Variants in SDC3 observed in about 807,000 individuals in gnomAD.
SDC3 encodes the protein syndecan-3.
Under a neutral mutation model 24.4 loss-of-function variants are expected in SDC3, and 13 were observed. That is an observed-to-expected ratio of 0.53 (90% CI 0.35 to 0.85). SDC3 has a LOEUF of 0.85. Among genes scored for constraint, SDC3 ranks in the 40% least tolerant of loss-of-function variants. SDC3 has a pLI of 0.01. For missense variants in SDC3, 571 were observed against 584.5 expected (o/e 0.98, Z 0.24); for synonymous variants, 295 against 260.9 (o/e 1.13, Z -1.26).
intron 1 of SDC3, among the ~76,000 whole-genome samples, chr1:30,894,698 GTGTGTGGGT>G (rs1639975722): frequency 7.1e-6 from 1 of 139,990 alleles, no homozygotes; most frequent in Non-Finnish European, 1.6e-5. Context: ...GTGGGTGAGA[GTGTGTGGGT>G]GTGTGTGGGG....
chr1:30,893,463 C>A (rs1360232056), intron 1 of SDC3, among the ~76,000 whole-genome samples: 1 of 152,108 alleles, frequency 6.6e-6, no homozygotes, highest in Non-Finnish European at 1.5e-5. Flanking sequence ...ACTTCCACTA[C>A]TATGACAACC....
intron 1 of SDC3, among the ~76,000 whole-genome samples, chr1:30,894,718 AGTGT>A (rs777036847): frequency 4.7e-4 from 69 of 145,454 alleles, no homozygotes; most frequent in African/African-American, 1.5e-3. Context: ...GTGTGTGGGG[AGTGT>A]GTGTGTGTAT....
At chr1:30,891,709 T>C (rs907376023) in intron 1 of SDC3, among the ~76,000 whole-genome samples, 1 of 151,680 alleles carries the variant, frequency 6.6e-6, no homozygotes, top group Non-Finnish European at 1.5e-5. Flanking sequence ...AAAAATTAGC[T>C]GGGCATGGTG....
At chr1:30,908,161 G>A (rs954469220) in intron 1 of SDC3, among the ~76,000 whole-genome samples, 1 of 151,992 alleles carries the variant, frequency 6.6e-6, no homozygotes, top group Non-Finnish European at 1.5e-5. Flanking sequence ...TCCCTCTGGG[G>A]AGGGGTCCCA....
intron 2 of SDC3, 124 bp downstream of exon 2, chr1:30,878,499 G>T: frequency 1.4e-6 from 1 of 720,054 alleles, no homozygotes; most frequent in Non-Finnish European, 2.4e-6. Flanking sequence ...AGAAGAACTT[G>T]CCTGACCCAG....
In SDC3 at chr1:30,908,622, GGGCGCCTTTGTTCCCGAGGC is replaced by G; in HGVS notation, c.-56_-37del. 13 of 877,812 alleles carry G rather than the reference GGGCGCCTTTGTTCCCGAGGC, an allele frequency of 1.5e-5. No homozygotes were observed. Among genetic ancestry groups the G allele is most frequent in the Non-Finnish European group, 1.8e-5 (13 of 735,508 alleles). The allele number at this position is 877,812 out of a possible 1,614,324, so 54.4% of individuals were successfully genotyped here. A position where few individuals can be genotyped will look rare whatever the true frequency, so the allele number is the denominator to read the frequency against. On this transcript the variant is annotated 5_prime_UTR_variant, in exon 1 of 5. Coordinates refer to ENST00000339394, the MANE Select transcript of SDC3 (RefSeq NM_014654.4). The stretch of plus-strand genomic sequence containing the variant: ...CGGGCGCGGGCGGCGGGCGGCGGGC[GGGCGCCTTTGTTCCCGAGGC>G]GCGGCGCGCGGGGCGGCTGCTTGGC...
At chr1:30,891,241 G>A (rs902164008) in intron 1 of SDC3, among the ~76,000 whole-genome samples, 2 of 152,178 alleles carry the variant, frequency 1.3e-5, no homozygotes, top group African/African-American at 4.8e-5. Context: ...TCTGCCCTCT[G>A]TCCCCATGGC....
At chr1:30,889,438 CG>C (rs1272077245) in intron 1 of SDC3, among the ~76,000 whole-genome samples, 1 of 152,152 alleles carries the variant, frequency 6.6e-6, no homozygotes, top group Non-Finnish European at 1.5e-5. Flanking sequence ...CCTCCATTCC[CG>C]GGGGCCCCAT....
Position 30,877,062 on chromosome 1 carries a change from C to T in SDC3, c.360G>A (p.Gln120=), listed in dbSNP as rs770448216. The change falls in exon 3 of 5, where the codon CAG becomes CAA. Residue 120 remains glutamine, a synonymous_variant. Transcript: ENST00000339394. ...GCTCTTCAAATGGTGTGCCCACAGG[C>T]TGGATGTTCGTGGTGGGCAGCACCG... ...TPAVLPTTNI[Q]PVGTPFEELP... is the part of the protein sequence containing the mutation. The T allele has an allele frequency of 2.4e-5, 38 of 1,613,802 alleles. No homozygotes were observed. The highest frequency in any genetic ancestry group is 1.7e-6 in the Non-Finnish European group (2 of 1,179,978).
intron 1 of SDC3, among the ~76,000 whole-genome samples, chr1:30,891,205 C>T (rs1261924043): frequency 6.6e-6 from 1 of 152,228 alleles, no homozygotes; most frequent in African/African-American, 2.4e-5. Flanking sequence ...AGTGGTAAAA[C>T]ACGCCTGAAT....
intron 1 of SDC3, among the ~76,000 whole-genome samples, chr1:30,888,160 G>A (rs1348495714): frequency 6.6e-6 from 1 of 152,206 alleles, no homozygotes; most frequent in Non-Finnish European, 1.5e-5. Context: ...CCAGTGAAAT[G>A]GGCCTCCTTA....
In SDC3 at chr1:30,872,488, T is replaced by C. The variant is rs1482197477; in HGVS notation, c.*723A>G. On this transcript the variant is annotated 3_prime_UTR_variant, in exon 5 of 5. Transcript: ENST00000339394. Reference sequence around the variant, plus strand: ...TGACTGAGTGAAAATATGGTGATAGTGTGGGCAATGGTGTCTGTGCAGAGT... The same window carrying C: ...TGACTGAGTGAAAATATGGTGATAGCGTGGGCAATGGTGTCTGTGCAGAGT... 2 of 152,296 alleles carry C rather than the reference T, an allele frequency of 1.3e-5. No homozygotes were observed. Among genetic ancestry groups the C allele is most frequent in the African/African-American group, 4.8e-5 (2 of 41,416 alleles). 9.4% of individuals were successfully genotyped at this position (152,296 alleles called of 1,614,324 possible). A position where few individuals can be genotyped will look rare whatever the true frequency, so the allele number is the denominator to read the frequency against.
At chr1:30,884,519 G>A (rs1639800253) in intron 1 of SDC3, among the ~76,000 whole-genome samples, 1 of 152,000 alleles carries the variant, frequency 6.6e-6, no homozygotes, top group East Asian at 1.9e-4. Flanking sequence ...CCTCCAGTCT[G>A]CCCTCTACCC....
At chr1:30,894,300 T>TG (rs1023599118) in intron 1 of SDC3, among the ~76,000 whole-genome samples, 18 of 120,244 alleles carry the variant, frequency 1.5e-4, no homozygotes, top group African/African-American at 2.0e-4. Flanking sequence ...AGAGAGTGTG[T>TG]GGGGGTGTGT....
intron 1 of SDC3, among the ~76,000 whole-genome samples, chr1:30,883,298 A>G (rs1189521524): frequency 6.6e-6 from 1 of 152,234 alleles, no homozygotes; most frequent in Non-Finnish European, 1.5e-5. Context: ...ACCCCTGTGC[A>G]GCGCTAATCA....
intron 1 of SDC3, among the ~76,000 whole-genome samples, chr1:30,896,598 A>T (rs1381465230): frequency 6.6e-6 from 1 of 152,226 alleles, no homozygotes; most frequent in African/African-American, 2.4e-5. Flanking sequence ...AAGAGGGAAC[A>T]GCATCTGGGT....
rs74331654 is a variant in SDC3, at chr1:30,873,001, G to C, written c.*210C>G. On this transcript the variant is annotated 3_prime_UTR_variant, in exon 5 of 5. Coordinates refer to ENST00000339394, the MANE Select transcript of SDC3 (RefSeq NM_014654.4). ...GATGAGGGGAACAAGAGATGAGCTC[G>C]TAAGGGCACAGTCTGGGGCAGATGG... 6.5e-5 allele frequency: 37 copies of C among 571,410 alleles called. No homozygotes were observed. Among genetic ancestry groups the C allele is most frequent in the East Asian group, 6.1e-4 (21 of 34,696 alleles). The allele number at this position is 571,410 out of a possible 1,614,324, so 35.4% of individuals were successfully genotyped here.
chr1:30,905,356 A>ACACACAC (rs1638499140), intron 1 of SDC3, among the ~76,000 whole-genome samples: 1 of 77,238 alleles, frequency 1.3e-5, no homozygotes, highest in Non-Finnish European at 2.4e-5. Flanking sequence ...CTCTCTCACA[A>ACACACAC]ACACACACAC....
At chr1:30,876,034 G>A (rs929338874) in intron 3 of SDC3, among the ~76,000 whole-genome samples, 10 of 152,196 alleles carry the variant, frequency 6.6e-5, no homozygotes, top group Admixed American at 5.2e-4. Context: ...GATGACGACA[G>A]CAGCTGAGAA....
Sources: allele counts gnomAD v4.1 joint callset (sites outside exome capture counted in the v4.1 genomes callset), GRCh38; gene constraint gnomAD v4.1.1; transcripts MANE v1.5; gene names NCBI Gene and HGNC (gene_info 2026-07-23, HGNC 2026-07-21).